HLA-DPB1: variants seen among roughly 807,000 people sequenced by gnomAD.
HLA-DPB1 encodes HLA class II histocompatibility antigen, DP beta 1 chain.
HLA-DPB1 carries 30 observed loss-of-function variants against 29.4 expected under a neutral mutation model. The ratio of observed to expected loss-of-function variants is 1.02; its 90% CI spans 0.76 to 1.38. The LOEUF (loss-of-function observed/expected upper bound fraction) is 1.38. Among genes scored for constraint, HLA-DPB1 ranks in the 40% most tolerant of loss-of-function variants. The pLI is 0.00. For missense variants in HLA-DPB1, 261 were observed against 327.5 expected (o/e 0.80, Z 1.57); for synonymous variants, 114 against 134.0 (o/e 0.85, Z 1.03).
intron 2 of HLA-DPB1, among the ~76,000 whole-genome samples, chr6:33,082,337 C>T (rs1762907386): frequency 2.0e-5 from 3 of 152,024 alleles, no homozygotes; most frequent in South Asian, 4.1e-4. Context: ...GTGGGTTTCT[C>T]CTCCAGGCCC....
intron 5 of HLA-DPB1, 118 bp from the exon 6 acceptor site, chr6:33,086,421 C>A: frequency 1.4e-6 from 1 of 727,436 alleles, no homozygotes; most frequent in East Asian, 2.7e-5. Flanking sequence ...CTGAAGGAAG[C>A]AGAGATCAAC....
At chr6:33,077,695 G>A (rs372225427) in intron 1 of HLA-DPB1, among the ~76,000 whole-genome samples, 4 of 152,240 alleles carry the variant, frequency 2.6e-5, no homozygotes, top group South Asian at 2.1e-4. Flanking sequence ...CTGCAAAGTA[G>A]GTACCTTAGT....
chr6:33,086,091 A>G lies in HLA-DPB1; in HGVS notation c.758-128A>G, dbSNP rs9277482. 0.28 allele frequency: 252,243 copies of G among 905,290 alleles called. 43,008 individuals are homozygous for G. The highest frequency in any genetic ancestry group is 0.59 in the East Asian group (23,839 of 40,224). 56.1% of individuals were successfully genotyped at this position (905,290 alleles called of 1,614,324 possible). A position where few individuals can be genotyped will look rare whatever the true frequency, so the allele number is the denominator to read the frequency against. The stretch of plus-strand genomic sequence containing the variant: ...ATGCAGCCAGATGCATGAGGTCCCA[A>G]GTACTCAGGCTCCTGCGGAGCGTCC... On this transcript the variant is annotated intron_variant, in intron 4 of 5. Transcript: ENST00000418931.
rs73743105 is a variant in HLA-DPB1, at chr6:33,089,217, G to A, written c.*2683G>A. Among the ~76,000 whole-genome samples, 1 of 152,118 alleles carries A rather than the reference G, an allele frequency of 6.6e-6. No individual in the cohort carries two copies. Among genetic ancestry groups the A allele is most frequent in the Non-Finnish European group, 1.5e-5 (1 of 68,028 alleles). The stretch of plus-strand genomic sequence containing the variant: ...TGATGCCTTTTGAGCATGTTGCATT[G>A]TAAACTGTCCCTGAAATTACTGTGC... On this transcript the variant is annotated 3_prime_UTR_variant, in exon 6 of 6. Coordinates refer to ENST00000418931, the MANE Select transcript of HLA-DPB1 (RefSeq NM_002121.6).
chr6:33,076,174 G>A (rs4279481), intron 1 of HLA-DPB1, 33 bp downstream of exon 1: 1 of 1,441,932 alleles, frequency 6.9e-7, no homozygotes, highest in Non-Finnish European at 9.6e-7. Flanking sequence ...TGGAGGGTCT[G>A]GCTCAGGGAA....
chr6:33,084,850 AAGGAAGGAAGGAAGGAAGG>A lies in HLA-DPB1; in HGVS notation c.365-98_365-80del. 1.2e-5 allele frequency: 3 copies of A among 249,184 alleles called. 1 individual carries two copies. The highest frequency in any genetic ancestry group is 1.7e-3 in the Middle Eastern group (2 of 1,174). 15.4% of individuals were successfully genotyped at this position (249,184 alleles called of 1,614,324 possible). ...AAGAGCGAGATTATGTCTCAAAAAA[AAGGAAGGAAGGAAGGAAGG>A]AAGGAAGGAAGGAAGGAAGGAAGGA... On this transcript the variant is annotated intron_variant, in intron 2 of 5. Coordinates refer to ENST00000418931, the MANE Select transcript of HLA-DPB1 (RefSeq NM_002121.6).
chr6:33,082,565 T>C (rs1323459790), intron 2 of HLA-DPB1, among the ~76,000 whole-genome samples: 1 of 152,130 alleles, frequency 6.6e-6, no homozygotes, highest in African/African-American at 2.4e-5. Flanking sequence ...TGGAGATGTG[T>C]CTTCAGAAGA....
At chr6:33,084,882 AAGGAAGGAAGGAAGG>A in intron 2 of HLA-DPB1, 53 bp from the exon 3 acceptor site, 2 of 579,776 alleles carry the variant, frequency 3.4e-6, no homozygotes, top group Non-Finnish European at 4.7e-6. Context: ...GGAAGGAAGG[AAGGAAGGAAGGAAGG>A]AAAGAAGGAC....
chr6:33,082,466 G>C (rs1360936000), intron 2 of HLA-DPB1, among the ~76,000 whole-genome samples: 1 of 152,116 alleles, frequency 6.6e-6, no homozygotes, highest in Non-Finnish European at 1.5e-5. Flanking sequence ...GGGGATCTCT[G>C]CTTGTAATCA....
chr6:33,078,931 C>T (rs1583112276), intron 1 of HLA-DPB1, among the ~76,000 whole-genome samples: 3 of 152,292 alleles, frequency 2.0e-5, no homozygotes, highest in African/African-American at 7.2e-5. Flanking sequence ...GGAATCTGGA[C>T]TCAAGGAGCT....
chr6:33,081,888 G>A (rs905503266), intron 2 of HLA-DPB1: 1 of 152,578 alleles, frequency 6.6e-6, no homozygotes, highest in African/African-American at 2.4e-5. Flanking sequence ...GGACAGGAAG[G>A]CCTTGGAGCT....
intron 3 of HLA-DPB1, 29 bp downstream of exon 3, chr6:33,085,260 A>G (rs1334107777): frequency 1.3e-6 from 2 of 1,544,870 alleles, no homozygotes; most frequent in Non-Finnish European, 1.8e-6. Context: ...TCTAGACCCC[A>G]CCTCTGAAGA....
In HLA-DPB1 at chr6:33,087,663, G is replaced by A. The variant is rs200599840; in HGVS notation, c.*1129G>A. 8.5e-5 allele frequency among the ~76,000 whole-genome samples: 13 copies of A among 152,282 alleles called. No homozygotes were observed. In the East Asian group the frequency reaches 1.3e-3, roughly 16 times the overall value. On this transcript the variant is annotated 3_prime_UTR_variant, in exon 6 of 6. Transcript: ENST00000418931. ...GGGCACCTGTCCCTGGTCAATTCCC[G>A]AAAGCTACTGTGCTCCTCTTGCCCA...
Position 33,086,609 on chromosome 6 carries a change from C to T in HLA-DPB1, c.*75C>T, listed in dbSNP as rs1042497. ...TTTGCTGTGTTTCGTTAGCATCTGG[C>T]TCCAGGACAGACCTTCAACTTCCAA... On this transcript the variant is annotated 3_prime_UTR_variant, in exon 6 of 6. Transcript: ENST00000418931. The T allele has an allele frequency of 0.19, 87,775 of 465,576 alleles. 19,683 individuals are homozygous for T. Among genetic ancestry groups the T allele is most frequent in the African/African-American group, 0.52 (24,554 of 47,470 alleles). 28.8% of individuals were successfully genotyped at this position (465,576 alleles called of 1,614,324 possible). A position where few individuals can be genotyped will look rare whatever the true frequency, so the allele number is the denominator to read the frequency against.
chr6:33,082,330 G>A (rs9277366), intron 2 of HLA-DPB1, among the ~76,000 whole-genome samples: 56,179 of 150,926 alleles, frequency 0.37, 11,853 homozygotes, highest in East Asian at 0.63. Flanking sequence ...AAGGAGTGTG[G>A]GTTTCTCCTC....
intron 3 of HLA-DPB1, among the ~76,000 whole-genome samples, 158 bp downstream of exon 3, chr6:33,085,389 G>A (rs1208287331): frequency 6.6e-6 from 1 of 152,148 alleles, no homozygotes; most frequent in Non-Finnish European, 1.5e-5. Flanking sequence ...TGAAGCCAGG[G>A]AAATGGAGAC....
chr6:33,085,906 G>C lies in HLA-DPB1; in HGVS notation c.757+17G>C. 2.0e-6 allele frequency: 3 copies of C among 1,521,432 alleles called. No homozygotes were observed. Among genetic ancestry groups the C allele is most frequent in the Non-Finnish European group, 2.7e-6 (3 of 1,099,950 alleles). The allele number at this position is 1,521,432 out of a possible 1,614,324, so 94.2% of individuals were successfully genotyped here. ...GCAAGAAAGGTGAGAAAGCCTGCAG[G>C]GTGAGCGGGACTTACCTTCCCCTGG... On this transcript the variant is annotated intron_variant, in intron 4 of 5. Transcript: ENST00000418931.
At chr6:33,079,153 TAA>T (rs2150370282) in intron 1 of HLA-DPB1, among the ~76,000 whole-genome samples, 1 of 152,338 alleles carries the variant, frequency 6.6e-6, no homozygotes, top group South Asian at 2.1e-4. Flanking sequence ...GTGAGGTTAA[TAA>T]ACTGGAGAAG....
At chr6:33,081,160 C>T (rs7770501) in intron 2 of HLA-DPB1, 6 of 552,100 alleles carry the variant, frequency 1.1e-5, no homozygotes, top group African/African-American at 1.9e-5. Flanking sequence ...GAGAGACCCC[C>T]GGGACTTCAT....
Sources: gnomAD v4.1 joint callset for allele counts (sites outside exome capture counted in the v4.1 genomes callset) on GRCh38, gnomAD v4.1.1 for gene constraint, MANE v1.5 for transcripts, NCBI Gene and HGNC (gene_info 2026-07-23, HGNC 2026-07-21) for gene names.